Variants in FAT3 observed in about 807,000 individuals in gnomAD.
FAT3 encodes FAT atypical cadherin 3.
FAT3 carries 95 observed loss-of-function variants against 310.2 expected under a neutral mutation model. The ratio of observed to expected loss-of-function variants is 0.31; its 90% CI spans 0.26 to 0.36. The LOEUF is 0.36. Ranked by LOEUF, FAT3 falls within the 10% of genes least tolerant of loss-of-function variation. The pLI, the probability that FAT3 is intolerant of heterozygous loss-of-function variation, is 1.00. For synonymous variants in FAT3, 2,314 were observed against 2,192.9 expected, an observed-to-expected ratio of 1.06 and a Z score of -1.54; for missense variants, 5,408 against 5,715.6, an observed-to-expected ratio of 0.95 and a Z score of 1.74.
At chr11:92,233,283 A>G (rs1299222773) in intron 1 of FAT3, among the ~76,000 whole-genome samples, 1 of 152,134 alleles carries the variant, frequency 6.6e-6, no homozygotes. Context: ...CCTCATCTTC[A>G]TAGGTATGTT....
intron 7 of FAT3, among the ~76,000 whole-genome samples, chr11:92,775,070 TC>T (rs1309986256): frequency 6.6e-6 from 1 of 152,110 alleles, no homozygotes; most frequent in Non-Finnish European, 1.5e-5. Context: ...CCTCTCTTAG[TC>T]CCTACTGCGC....
intron 13 of FAT3, among the ~76,000 whole-genome samples, chr11:92,827,729 T>C (rs1948137121): frequency 6.6e-6 from 1 of 152,178 alleles, no homozygotes; most frequent in Admixed American, 6.5e-5. Context: ...TTCACAGCCT[T>C]CCCTACTAGG....
chr11:92,253,344 T>C (rs2134283173), intron 1 of FAT3, among the ~76,000 whole-genome samples: 1 of 152,098 alleles, frequency 6.6e-6, no homozygotes, highest in South Asian at 2.1e-4. Flanking sequence ...CTTCCACTCT[T>C]CCATCTCTGG....
Position 92,747,602 on chromosome 11 carries a change from A to G in FAT3, c.3670-14254A>G, listed in dbSNP as rs181819680. On this transcript the variant is annotated intron_variant, in intron 4 of 27. Transcript: ENST00000525166. ...CTGCAGCTGGCTTGAATTTCTTCCC[A>G]AAAACTGGGTTTTTCTTTTCTATCG... Among the ~76,000 whole-genome samples the G allele has an allele frequency of 2.6e-5, 4 of 152,296 alleles. No individual in the cohort carries two copies. In the East Asian group the frequency reaches 7.7e-4, roughly 29 times the overall value.
At chr11:92,611,881 G>C (rs900388882) in intron 3 of FAT3, among the ~76,000 whole-genome samples, 2 of 152,174 alleles carry the variant, frequency 1.3e-5, no homozygotes, top group Non-Finnish European at 2.9e-5. Context: ...AAGAAAACTT[G>C]ACAAGCACAT....
At chr11:92,344,298 C>T (rs1260652530) in intron 1 of FAT3, among the ~76,000 whole-genome samples, 1 of 152,166 alleles carries the variant, frequency 6.6e-6, no homozygotes, top group East Asian at 1.9e-4. Flanking sequence ...CTGATGAACT[C>T]TCAGTTCATC....
At chr11:92,368,119 T>C (rs1236338347) in intron 2 of FAT3, among the ~76,000 whole-genome samples, 1 of 152,208 alleles carries the variant, frequency 6.6e-6, no homozygotes, top group African/African-American at 2.4e-5. Flanking sequence ...CTAATGTTTT[T>C]TTTCTTACAT....
intron 2 of FAT3, among the ~76,000 whole-genome samples, chr11:92,382,351 ATAT>A (rs1949515477): frequency 2.6e-5 from 4 of 152,174 alleles, no homozygotes; most frequent in Admixed American, 2.0e-4. Flanking sequence ...AGCAATATCT[ATAT>A]TGTTTTTTGT....
At chr11:92,528,532 GCC>G (rs1953956572) in intron 3 of FAT3, among the ~76,000 whole-genome samples, 1 of 152,142 alleles carries the variant, frequency 6.6e-6, no homozygotes, top group Non-Finnish European at 1.5e-5. Context: ...GACTACAGGC[GCC>G]TGCCACCACA....
At chr11:92,263,202 G>A (rs1865628130) in intron 1 of FAT3, among the ~76,000 whole-genome samples, 2 of 151,810 alleles carry the variant, frequency 1.3e-5, no homozygotes, top group South Asian at 4.2e-4. Flanking sequence ...GAGTGTTGTC[G>A]ACAATTCTAG....
intron 3 of FAT3, among the ~76,000 whole-genome samples, chr11:92,674,162 C>T (rs1477524697): frequency 6.7e-6 from 1 of 149,354 alleles, no homozygotes; most frequent in African/African-American, 2.5e-5. Context: ...GCCTGGTTGA[C>T]AGAGTGAGAC....
intron 2 of FAT3, among the ~76,000 whole-genome samples, chr11:92,451,339 G>A (rs564600200): frequency 6.6e-6 from 1 of 152,306 alleles, no homozygotes; most frequent in South Asian, 2.1e-4. Context: ...GGATAAGGTT[G>A]TAACCAGCCT....
chr11:92,331,059 C>T (rs551204529), intron 1 of FAT3, among the ~76,000 whole-genome samples: 50 of 151,198 alleles, frequency 3.3e-4, no homozygotes, highest in African/African-American at 1.2e-3. Flanking sequence ...TAATGCTATA[C>T]ACAGTTGTTT....
chr11:92,590,743 G>T (rs931885599), intron 3 of FAT3, among the ~76,000 whole-genome samples: 2 of 152,086 alleles, frequency 1.3e-5, no homozygotes, highest in Admixed American at 6.6e-5. Flanking sequence ...ATTATATGCT[G>T]GGCATAGTTT....
In FAT3 at chr11:92,401,700, G is replaced by A. The variant is rs1350336835; in HGVS notation, c.3292+46296G>A. 2.6e-5 allele frequency among the ~76,000 whole-genome samples: 4 copies of A among 152,140 alleles called. No homozygotes were observed. In the East Asian group the frequency reaches 7.7e-4, roughly 29 times the overall value. ...TGACAAGGCTCCAGTAATAATAATA[G>A]GGGAGCCCAGCTGAAAAGCTGCAAG... On this transcript the variant is annotated intron_variant, in intron 2 of 27. Coordinates refer to ENST00000525166, the MANE Select transcript of FAT3 (RefSeq NM_001367949.2).
At chr11:92,428,025 G>A (rs1950674793) in intron 2 of FAT3, among the ~76,000 whole-genome samples, 1 of 151,936 alleles carries the variant, frequency 6.6e-6, no homozygotes, top group African/African-American at 2.4e-5. Flanking sequence ...TGGCTGGTAG[G>A]CTATTAGTTA....
chr11:92,253,519 A>G (rs1442718162), intron 1 of FAT3, among the ~76,000 whole-genome samples: 6 of 152,048 alleles, frequency 3.9e-5, no homozygotes, highest in South Asian at 4.1e-4. Context: ...TATGATTTGC[A>G]TATTTCCTGG....
chr11:92,860,156 A>G (rs2136329738), intron 21 of FAT3, among the ~76,000 whole-genome samples: 1 of 152,324 alleles, frequency 6.6e-6, no homozygotes, highest in African/African-American at 2.4e-5. Flanking sequence ...AAACAAACAA[A>G]CAAAAACAAG....
At chr11:92,227,871 C>T (rs1172922175) in intron 1 of FAT3, among the ~76,000 whole-genome samples, 2 of 150,844 alleles carry the variant, frequency 1.3e-5, no homozygotes, top group African/African-American at 2.4e-5. Context: ...ATAACTTTAG[C>T]ACTTTGATGT....
Sources: gnomAD v4.1 joint callset for allele counts (sites outside exome capture counted in the v4.1 genomes callset) on GRCh38, gnomAD v4.1.1 for gene constraint, MANE v1.5 for transcripts, NCBI Gene and HGNC (gene_info 2026-07-23, HGNC 2026-07-21) for gene names.